Variants in NOL4 observed in about 807,000 individuals in gnomAD.
The protein encoded by NOL4 is cancer/testis antigen 125.
NOL4 carries 17 observed loss-of-function variants against 75.9 expected under a neutral mutation model. The ratio of observed to expected loss-of-function variants is 0.22; its 90% confidence interval spans 0.15 to 0.34. The LOEUF is 0.34. Ranked by LOEUF, NOL4 falls within the 10% of genes least tolerant of loss-of-function variation. NOL4 has a pLI of 1.00. For missense variants in NOL4, 614 were observed against 793.5 expected, an observed-to-expected ratio of 0.77 and a Z score of 2.72; for synonymous variants, 292 against 289.9, an observed-to-expected ratio of 1.01 and a Z score of -0.07.
At chr18:33,978,779 T>C (rs1275771852) in intron 6 of NOL4, among the ~76,000 whole-genome samples, 1 of 151,816 alleles carries the variant, frequency 6.6e-6, no homozygotes, top group African/African-American at 2.4e-5. Context: ...TAATATAATA[T>C]AAATGCTATT....
At chr18:33,869,375 A>G (rs944712976) in intron 10 of NOL4, among the ~76,000 whole-genome samples, 10 of 151,954 alleles carry the variant, frequency 6.6e-5, no homozygotes, top group African/African-American at 2.4e-4. Context: ...TAGACAAGCT[A>G]ATTTTAATAT....
chr18:34,063,960 CTATT>C (rs1438658919), intron 5 of NOL4, among the ~76,000 whole-genome samples: 1 of 151,930 alleles, frequency 6.6e-6, no homozygotes, highest in Non-Finnish European at 1.5e-5. Flanking sequence ...ACAATTAACT[CTATT>C]TATGAAGTTG....
At chr18:34,144,485 TACTGAAAAA>T (rs1250196601) in intron 1 of NOL4, among the ~76,000 whole-genome samples, 1 of 152,170 alleles carries the variant, frequency 6.6e-6, no homozygotes, top group Non-Finnish European at 1.5e-5. Context: ...ACATAGCTAC[TACTGAAAAA>T]ACTTTACATT....
At chr18:33,980,196 C>T (rs1210513835) in intron 6 of NOL4, among the ~76,000 whole-genome samples, 1 of 152,024 alleles carries the variant, frequency 6.6e-6, no homozygotes, top group East Asian at 1.9e-4. Context: ...AAGCAGAAAC[C>T]CACATCCATG....
At chr18:33,881,801 A>G (rs931711388) in intron 10 of NOL4, among the ~76,000 whole-genome samples, 2 of 152,092 alleles carry the variant, frequency 1.3e-5, no homozygotes, top group African/African-American at 4.8e-5. Flanking sequence ...CTGACTTCAA[A>G]CTATACTACA....
intron 5 of NOL4, among the ~76,000 whole-genome samples, chr18:34,035,395 T>C (rs1316760729): frequency 6.6e-6 from 1 of 152,114 alleles, no homozygotes; most frequent in East Asian, 1.9e-4. Context: ...AGCTGGAAAT[T>C]TAAAAATTTT....
intron 2 of NOL4, among the ~76,000 whole-genome samples, chr18:34,116,111 C>T (rs7505855): frequency 0.58 from 87,998 of 151,912 alleles, 25,642 homozygotes; most frequent in Admixed American, 0.62. Flanking sequence ...AAAAGTATAG[C>T]AATACTTCCA....
intron 8 of NOL4, among the ~76,000 whole-genome samples, chr18:33,956,580 A>T (rs1482458336): frequency 6.6e-6 from 1 of 152,188 alleles, no homozygotes; most frequent in African/African-American, 2.4e-5. Context: ...GAAATAAGAA[A>T]ATGGGAAAGG....
intron 1 of NOL4, among the ~76,000 whole-genome samples, chr18:34,206,970 T>C (rs1027332080): frequency 1.3e-5 from 2 of 152,096 alleles, no homozygotes; most frequent in African/African-American, 4.8e-5. Context: ...ATTCATGGAC[T>C]CTTTCATCTG....
intron 9 of NOL4, 52 bp downstream of exon 9, chr18:33,943,013 G>T: frequency 2.6e-6 from 3 of 1,173,930 alleles, no homozygotes; most frequent in South Asian, 2.5e-5. Context: ...CAAATTAAAT[G>T]AACTACATTT....
In NOL4 at chr18:33,860,877, A is replaced by G. The variant is rs1407652233; in HGVS notation, c.1724-7842T>C. 3.3e-5 allele frequency among the ~76,000 whole-genome samples: 5 copies of G among 152,110 alleles called. No individual in the cohort carries two copies. The East Asian group carries it at 9.6e-4, about 29-fold the overall frequency. On this transcript the variant is annotated intron_variant, in intron 10 of 10. Transcript: ENST00000261592. ...GAATTTTGTCAAAGGCCTTTTCTGC[A>G]TCTATTGAGATAATCATGTGGTTTT... is the stretch of plus-strand genomic sequence containing the variant.
In NOL4 at chr18:34,223,429, C is replaced by T; in HGVS notation, c.-176G>A. The T allele has an allele frequency of 1.3e-6, 1 of 782,234 alleles. No homozygotes were observed. Among genetic ancestry groups the T allele is most frequent in the South Asian group, 1.8e-5 (1 of 54,546 alleles). The allele number at this position is 782,234 out of a possible 1,614,324, so 48.5% of individuals were successfully genotyped here. ...AAGAGGGGAGGAGGGTCCGGTTGGG[C>T]ACCAGCAATCAATGCCCCGTGCTAC... On this transcript the variant is annotated 5_prime_UTR_variant, in exon 1 of 11. Coordinates refer to ENST00000261592, the MANE Select transcript of NOL4 (RefSeq NM_003787.5).
chr18:34,008,180 G>C (rs1302851077), intron 6 of NOL4, among the ~76,000 whole-genome samples: 1 of 151,914 alleles, frequency 6.6e-6, no homozygotes, highest in Admixed American at 6.6e-5. Flanking sequence ...GGCACTCTTG[G>C]GTTTATGGTC....
rs545934067 is a variant in NOL4 at position 33,957,252 on chromosome 18, G to GA, written c.1428+73dup. 1,000 of 1,230,380 alleles carry GA rather than the reference G, an allele frequency of 8.1e-4. 2 individuals are homozygous for GA. Among genetic ancestry groups the GA allele is most frequent in the Admixed American group, 1.4e-3 (56 of 39,086 alleles). The allele number at this position is 1,230,380 out of a possible 1,614,324, so 76.2% of individuals were successfully genotyped here. On this transcript the variant is annotated intron_variant, in intron 8 of 10. Transcript: ENST00000261592. ...AAAAATAAAAAAAGACACTAAGATGGAAAAAAAATAGTGTCATGGTTTACA... is the reference window on the plus strand; with the variant it reads ...AAAAATAAAAAAAGACACTAAGATGGAAAAAAAAATAGTGTCATGGTTTACA...
intron 8 of NOL4, among the ~76,000 whole-genome samples, chr18:33,947,537 C>A (rs2068923287): frequency 6.6e-6 from 1 of 151,794 alleles, no homozygotes. Flanking sequence ...GAAGATAACT[C>A]AGTAAATACA....
At position 34,223,977 on chromosome 18, in the gene NOL4, T is replaced by C. The variant is rs1255838730; in HGVS notation, c.-724A>G. 3.9e-5 allele frequency: 6 copies of C among 152,284 alleles called. No individual in the cohort carries two copies. The highest frequency in any genetic ancestry group is 2.6e-4 in the Admixed American group (4 of 15,294). The allele number at this position is 152,284 out of a possible 1,614,324, so 9.4% of individuals were successfully genotyped here. A position where few individuals can be genotyped will look rare whatever the true frequency, so the allele number is the denominator to read the frequency against. On this transcript the variant is annotated 5_prime_UTR_variant, in exon 1 of 11. It removes the in-frame stop codon of an upstream open reading frame in the 5' UTR. Transcript: ENST00000261592. ...TATCAAGATATTTTTTAAAACGGTT[T>C]AAAATGTCATTTCTTCAGATGCATT...
At chr18:34,217,914 A>T (rs568165410) in intron 1 of NOL4, among the ~76,000 whole-genome samples, 2 of 152,242 alleles carry the variant, frequency 1.3e-5, no homozygotes, top group Admixed American at 1.3e-4. Context: ...TAGCCGACCC[A>T]GAACTCCAGT....
rs948085557 is a variant in NOL4 at position 34,138,850 on chromosome 18, C to T, written c.265-8830G>A. Among the ~76,000 whole-genome samples the T allele has an allele frequency of 1.2e-4, 19 of 152,126 alleles. 1 individual carries two copies. The highest frequency in any genetic ancestry group is 1.1e-3 in the Admixed American group (17 of 15,274). ...GCTCTTATTATTTTGAGATATGTCC[C>T]ATCAATACCTAATTTATTGAGAGTT... On this transcript the variant is annotated intron_variant, in intron 1 of 10. Transcript: ENST00000261592.
chr18:33,939,387 T>C (rs1314955315), intron 9 of NOL4, among the ~76,000 whole-genome samples: 2 of 152,162 alleles, frequency 1.3e-5, no homozygotes, highest in African/African-American at 2.4e-5. Flanking sequence ...ATTTTCATAT[T>C]GATTCTTTCG....
Sources: allele counts gnomAD v4.1 joint callset (sites outside exome capture counted in the v4.1 genomes callset), GRCh38; gene constraint gnomAD v4.1.1; transcripts MANE v1.5; gene names NCBI Gene and HGNC (gene_info 2026-07-23, HGNC 2026-07-21).